TBC1D5: variants seen among roughly 807,000 people sequenced by gnomAD.
TBC1D5 encodes the protein TBC1 domain family, member 5.
In TBC1D5, 75 loss-of-function variants were observed where a neutral mutation model predicts 100.3. That is an observed-to-expected ratio of 0.75 (90% CI 0.62 to 0.91). The LOEUF (loss-of-function observed/expected upper bound fraction) is 0.91, where lower values mean the gene tolerates loss of function less well. Among genes scored for constraint, TBC1D5 ranks in the 40% least tolerant of loss-of-function variants. The pLI is 0.00. For synonymous variants in TBC1D5, 323 were observed against 325.6 expected (o/e 0.99, Z 0.09); for missense variants, 910 against 942.4 (o/e 0.97, Z 0.45).
At chr3:17,265,255 G>A (rs1403879342) in intron 15 of TBC1D5, among the ~76,000 whole-genome samples, 2 of 111,042 alleles carry the variant, frequency 1.8e-5, no homozygotes, top group Non-Finnish European at 3.8e-5. Context: ...ACATTAAACT[G>A]ACAAATTCTA....
chr3:17,416,173 T>A (rs952753099), intron 4 of TBC1D5, among the ~76,000 whole-genome samples: 5 of 152,196 alleles, frequency 3.3e-5, no homozygotes, highest in African/African-American at 1.2e-4. Context: ...TTAAAATCAA[T>A]TATATTTTAA....
chr3:17,401,426 AT>A (rs1351060751), intron 8 of TBC1D5, among the ~76,000 whole-genome samples: 1 of 151,622 alleles, frequency 6.6e-6, no homozygotes, highest in Admixed American at 6.6e-5. Flanking sequence ...TATATCTTGC[AT>A]TTTTGTAAGA....
At chr3:17,618,292 C>T (rs889884967) in intron 2 of TBC1D5, among the ~76,000 whole-genome samples, 1 of 152,140 alleles carries the variant, frequency 6.6e-6, no homozygotes, top group African/African-American at 2.4e-5. Flanking sequence ...GAGGGGCACC[C>T]GCCTGTATGA....
intron 15 of TBC1D5, among the ~76,000 whole-genome samples, chr3:17,273,688 T>G (rs891178448): frequency 6.6e-6 from 1 of 151,620 alleles, no homozygotes; most frequent in Non-Finnish European, 1.5e-5. Flanking sequence ...GCGCCTGTAA[T>G]CCCAGCTACT....
chr3:17,486,693 T>A (rs1406864646), intron 3 of TBC1D5, among the ~76,000 whole-genome samples: 1 of 152,182 alleles, frequency 6.6e-6, no homozygotes, highest in East Asian at 1.9e-4. Flanking sequence ...TGCACTGAGA[T>A]AACACTAACA....
chr3:17,683,413 T>A (rs564894000), intron 1 of TBC1D5, among the ~76,000 whole-genome samples: 2 of 151,512 alleles, frequency 1.3e-5, no homozygotes, highest in Admixed American at 1.3e-4. Flanking sequence ...AAATTCTTCT[T>A]TTGTATGTAA....
rs1055422720 is a variant in TBC1D5 at position 17,204,999 on chromosome 3, G to A, written c.1752+9208C>T. On this transcript the variant is annotated intron_variant, in intron 18 of 21. Coordinates refer to ENST00000253692, the Ensembl canonical transcript of TBC1D5. Reference sequence around the variant, plus strand: ...GAGTACGTTTACTGGCAGACAGATTGTAAACAAGGTTTACAAAACATCGAA... The same window carrying A: ...GAGTACGTTTACTGGCAGACAGATTATAAACAAGGTTTACAAAACATCGAA... Among the ~76,000 whole-genome samples, 5 of 152,128 alleles carry A rather than the reference G, an allele frequency of 3.3e-5. No individual in the cohort carries two copies. In the South Asian group the frequency reaches 6.2e-4, roughly 19 times the overall value.
chr3:17,687,071 G>A (rs903847701), intron 1 of TBC1D5, among the ~76,000 whole-genome samples: 9 of 152,174 alleles, frequency 5.9e-5, no homozygotes, highest in South Asian at 4.1e-4. Flanking sequence ...TTGGGAGACC[G>A]GGTATATGGG....
In TBC1D5 at chr3:17,293,357, C is replaced by T. The variant is rs1041721751; in HGVS notation, c.1139-1356G>A. ...AAGACTTAATCAATTCACCTTATAA[C>T]TCAAAAAGTAATTATCTATTAGTAA... is the stretch of plus-strand genomic sequence containing the variant. On this transcript the variant is annotated intron_variant, in intron 14 of 21. Transcript: ENST00000253692. 4.6e-5 allele frequency among the ~76,000 whole-genome samples: 7 copies of T among 152,136 alleles called. No individual in the cohort carries two copies. The South Asian group carries it at 8.3e-4, about 18-fold the overall frequency.
At chr3:17,681,100 G>A (rs2069393849) in intron 1 of TBC1D5, among the ~76,000 whole-genome samples, 1 of 151,456 alleles carries the variant, frequency 6.6e-6, no homozygotes, top group African/African-American at 2.5e-5. Flanking sequence ...AAGCTACTCT[G>A]AGAGCCCACA....
intron 13 of TBC1D5, among the ~76,000 whole-genome samples, chr3:17,331,951 T>C (rs1024639804): frequency 1.3e-5 from 2 of 152,230 alleles, no homozygotes; most frequent in Non-Finnish European, 1.5e-5. Context: ...TTATAGGCCA[T>C]AGCAAAGAAG....
At chr3:17,238,507 C>G in intron 16 of TBC1D5, 88 bp from the exon 17 acceptor site, 1 of 1,425,910 alleles carries the variant, frequency 7.0e-7, no homozygotes, top group Non-Finnish European at 9.3e-7. Flanking sequence ...CACACCTTGT[C>G]TGCTTTGAAA....
intron 3 of TBC1D5, among the ~76,000 whole-genome samples, chr3:17,484,220 T>A (rs1335951154): frequency 3.3e-5 from 5 of 152,222 alleles, no homozygotes; most frequent in Non-Finnish European, 5.9e-5. Context: ...AGAGTACTAT[T>A]TTCGATATGA....
chr3:17,690,793 C>A (rs1293225202), intron 1 of TBC1D5, among the ~76,000 whole-genome samples: 3 of 152,196 alleles, frequency 2.0e-5, no homozygotes, highest in Admixed American at 1.3e-4. Context: ...TCTCCACCCC[C>A]ATCCATGGAA....
chr3:17,311,743 T>C (rs760482924), intron 13 of TBC1D5, among the ~76,000 whole-genome samples: 2 of 152,074 alleles, frequency 1.3e-5, no homozygotes, highest in Non-Finnish European at 2.9e-5. Flanking sequence ...ATGGGCATAG[T>C]AACCTTACAA....
chr3:17,324,788 G>A (rs189313157), intron 13 of TBC1D5, among the ~76,000 whole-genome samples: 17 of 152,144 alleles, frequency 1.1e-4, no homozygotes, highest in Admixed American at 1.0e-3. Flanking sequence ...AAATGGACAA[G>A]ATATAAGAAC....
intron 17 of TBC1D5, among the ~76,000 whole-genome samples, chr3:17,231,903 G>C (rs1296695423): frequency 6.6e-6 from 1 of 152,118 alleles, no homozygotes; most frequent in African/African-American, 2.4e-5. Context: ...AGGTGATTCT[G>C]AATAGGGTAT....
At chr3:17,253,159 C>T (rs541331316) in intron 16 of TBC1D5, among the ~76,000 whole-genome samples, 1 of 152,232 alleles carries the variant, frequency 6.6e-6, no homozygotes, top group South Asian at 2.1e-4. Flanking sequence ...ATTCTATTTA[C>T]TTCTATAATG....
chr3:17,355,359 A>G (rs1354429056), intron 13 of TBC1D5, among the ~76,000 whole-genome samples: 1 of 152,186 alleles, frequency 6.6e-6, no homozygotes, highest in Non-Finnish European at 1.5e-5. Context: ...AACTCTCAGG[A>G]GGCTGTGGCC....
Sources: gnomAD v4.1 joint callset for allele counts (sites outside exome capture counted in the v4.1 genomes callset) on GRCh38, gnomAD v4.1.1 for gene constraint, MANE v1.5 for transcripts, NCBI Gene and HGNC (gene_info 2026-07-23, HGNC 2026-07-21) for gene names.